MED12L: variants seen among roughly 807,000 people sequenced by gnomAD.
MED12L encodes mediator of RNA polymerase II transcription subunit 12-like protein.
A neutral mutation model predicts 281.3 loss-of-function variants in MED12L; 60 were observed. That is an observed-to-expected ratio of 0.21 (90% CI 0.17 to 0.26). The LOEUF (loss-of-function observed/expected upper bound fraction) is 0.26, where lower values mean the gene tolerates loss of function less well. Among genes scored for constraint, MED12L ranks in the 10% least tolerant of loss-of-function variants. The probability of loss-of-function intolerance (pLI) is 1.00; values close to 1 mark genes in which losing one functional copy is unlikely to be tolerated. For missense variants in MED12L, 2,146 were observed against 2,680.9 expected (o/e 0.80, Z 4.41); for synonymous variants, 974 against 987.2 (o/e 0.99, Z 0.25).
chr3:151,217,287 C>T (rs1043238662), intron 16 of MED12L, among the ~76,000 whole-genome samples: 2 of 152,128 alleles, frequency 1.3e-5, no homozygotes, highest in Non-Finnish European at 2.9e-5. Flanking sequence ...ATTATTTTCT[C>T]AGAGTCTTGT....
intron 43 of MED12L, among the ~76,000 whole-genome samples, chr3:151,424,426 C>T (rs1336453901): frequency 2.0e-5 from 3 of 152,090 alleles, no homozygotes; most frequent in African/African-American, 7.2e-5. Flanking sequence ...TGAGACCATC[C>T]TGGCTAACAC....
intron 16 of MED12L, among the ~76,000 whole-genome samples, chr3:151,295,849 C>CA (rs1559995644): frequency 1.3e-5 from 2 of 152,032 alleles, no homozygotes; most frequent in African/African-American, 2.4e-5. Flanking sequence ...AGTGAACAGA[C>CA]AAAAAAAGTC....
intron 16 of MED12L, among the ~76,000 whole-genome samples, chr3:151,348,561 C>T (rs962111904): frequency 5.3e-5 from 8 of 150,680 alleles, no homozygotes; most frequent in South Asian, 2.1e-4. Context: ...AAGAGAAACT[C>T]GCTCCTAGCT....
At chr3:151,415,866 G>GA (rs112165894) in intron 42 of MED12L, among the ~76,000 whole-genome samples, 70 of 150,784 alleles carry the variant, frequency 4.6e-4, no homozygotes, top group African/African-American at 1.6e-3. Flanking sequence ...CTTCCTTTTG[G>GA]AAAAAAACAA....
chr3:151,403,495 A>G (rs1284152687), intron 39 of MED12L, among the ~76,000 whole-genome samples: 1 of 152,222 alleles, frequency 6.6e-6, no homozygotes, highest in East Asian at 1.9e-4. Context: ...GCTATTCCCA[A>G]AATCTCAACG....
intron 3 of MED12L, among the ~76,000 whole-genome samples, chr3:151,119,138 C>T (rs1348458543): frequency 1.3e-5 from 2 of 152,116 alleles, no homozygotes; most frequent in Non-Finnish European, 2.9e-5. Context: ...TGACTGAAAC[C>T]TCTATATACA....
chr3:151,185,942 TAC>T (rs911178168), intron 12 of MED12L, among the ~76,000 whole-genome samples: 6 of 152,074 alleles, frequency 3.9e-5, no homozygotes, highest in African/African-American at 1.5e-4. Context: ...ACACAAAACA[TAC>T]ACACACATGT....
At chr3:151,340,740 G>A (rs181463619) in intron 16 of MED12L, 25 of 152,614 alleles carry the variant, frequency 1.6e-4, no homozygotes, top group East Asian at 9.7e-4. Context: ...CTGAGTTTTC[G>A]TCAGTAAAGT....
At chr3:151,163,747 G>T in intron 8 of MED12L, 146 bp from the exon 9 acceptor site, 1 of 660,622 alleles carries the variant, frequency 1.5e-6, no homozygotes, top group Non-Finnish European at 2.3e-6. Context: ...TTGCGAAGTT[G>T]AGAATGGGGT....
chr3:151,328,188 T>C (rs61736003), intron 16 of MED12L: 16,691 of 1,612,972 alleles, frequency 0.01, 134 homozygotes, highest in South Asian at 0.023. Context: ...TTTTGCAGTC[T>C]ACAGTCAGTC....
intron 16 of MED12L, among the ~76,000 whole-genome samples, chr3:151,341,759 A>G (rs1190024207): frequency 4.8e-5 from 7 of 144,812 alleles, no homozygotes; most frequent in Non-Finnish European, 7.5e-5. Flanking sequence ...CCCAGAGTGT[A>G]GTGTTTCCCT....
chr3:151,389,017 A>C (rs1284763485), intron 37 of MED12L, among the ~76,000 whole-genome samples: 1 of 152,228 alleles, frequency 6.6e-6, no homozygotes, highest in Non-Finnish European at 1.5e-5. Context: ...TGAGAACTAA[A>C]ATACATCTTT....
intron 39 of MED12L, among the ~76,000 whole-genome samples, chr3:151,395,976 G>A (rs1714911811): frequency 6.6e-6 from 1 of 152,222 alleles, no homozygotes; most frequent in African/African-American, 2.4e-5. Flanking sequence ...GGACAAGAGA[G>A]AAGAAACCAA....
At chr3:151,285,396 G>A (rs1235315517) in intron 16 of MED12L, among the ~76,000 whole-genome samples, 3 of 152,022 alleles carry the variant, frequency 2.0e-5, no homozygotes, top group African/African-American at 4.8e-5. Context: ...GAGGCAGGAC[G>A]AGAATGGCGT....
At chr3:151,213,212 G>T in intron 16 of MED12L, 1 of 994,912 alleles carries the variant, frequency 1.0e-6, no homozygotes. Flanking sequence ...TGATATTTAT[G>T]ATGAGGGCAC....
At chr3:151,198,539 A>G (rs1306252365) in intron 16 of MED12L, 10 of 1,614,064 alleles carry the variant, frequency 6.2e-6, no homozygotes, top group Non-Finnish European at 8.5e-6. Context: ...ATAGTACAGG[A>G]TAGGATCAAA....
chr3:151,103,032 A>C (rs900229119), intron 2 of MED12L, among the ~76,000 whole-genome samples: 13 of 152,222 alleles, frequency 8.5e-5, no homozygotes, highest in Non-Finnish European at 1.8e-4. Context: ...ACTCTGTGAA[A>C]AATGATTTAA....
chr3:151,173,160 C>T (rs995643363), intron 11 of MED12L, among the ~76,000 whole-genome samples: 1 of 151,430 alleles, frequency 6.6e-6, no homozygotes, highest in Non-Finnish European at 1.5e-5. Flanking sequence ...TTAGTTTTTC[C>T]CTGGCCTGTG....
chr3:151,402,944 C>T (rs1037910738), intron 39 of MED12L, among the ~76,000 whole-genome samples: 1 of 152,164 alleles, frequency 6.6e-6, no homozygotes, highest in African/African-American at 2.4e-5. Context: ...TGTAACTCTG[C>T]TGTCTCCCTT....
Sources: allele counts gnomAD v4.1 joint callset (sites outside exome capture counted in the v4.1 genomes callset), GRCh38; gene constraint gnomAD v4.1.1; transcripts MANE v1.5; gene names NCBI Gene and HGNC (gene_info 2026-07-23, HGNC 2026-07-21).